HSPA12B: variants seen among roughly 807,000 people sequenced by gnomAD.
HSPA12B encodes the protein heat shock 70 kDa protein 12B.
A neutral mutation model predicts 69.3 loss-of-function variants in HSPA12B; 54 were observed. That is an observed-to-expected ratio of 0.78 (90% confidence interval 0.63 to 0.98). The LOEUF is 0.98. Ranked by LOEUF, HSPA12B falls within the 50% of genes least tolerant of loss-of-function variation. The probability of loss-of-function intolerance (pLI) is 0.00; values close to 1 mark genes in which losing one functional copy is unlikely to be tolerated. For synonymous variants in HSPA12B, 441 were observed against 436.5 expected (o/e 1.01, Z -0.13); for missense variants, 929 against 999.8 (o/e 0.93, Z 0.96).
Position 3,740,808 on chromosome 20 carries a change from T to A in HSPA12B, c.44-7T>A. On this transcript the variant is annotated splice_region_variant and splice_polypyrimidine_tract_variant and intron_variant, in intron 2 of 12. Transcript: ENST00000254963. The surrounding 1 kb of genome is among the most constrained non-coding windows in gnomAD (Gnocchi z 4.9). Reference sequence around the variant, plus strand: ...TGCCAGGATGAACTGCCGTCTCTTCTCTGCAGGCTCCAGCCCGGAGCGGTC... The same window carrying A: ...TGCCAGGATGAACTGCCGTCTCTTCACTGCAGGCTCCAGCCCGGAGCGGTC... The A allele has an allele frequency of 6.2e-7, 1 of 1,612,722 alleles. No individual in the cohort carries two copies. The highest frequency in any genetic ancestry group is 1.1e-5 in the South Asian group (1 of 90,836).
intron 8 of HSPA12B, among the ~76,000 whole-genome samples, chr20:3,748,874 T>G (rs1384390944): frequency 1.3e-5 from 2 of 152,004 alleles, no homozygotes. Context: ...ATGGTCATCC[T>G]CCCAAATGCC....
At chr20:3,748,506 A>G (rs887183261) in intron 8 of HSPA12B, 115 bp downstream of exon 8, 6 of 1,010,272 alleles carry the variant, frequency 5.9e-6, no homozygotes, top group African/African-American at 3.3e-5. Context: ...GAGGAGCCCA[A>G]TTTGAGCAGG....
In HSPA12B at chr20:3,732,743, G is replaced by A. The variant is rs911165343; in HGVS notation, c.-69G>A. 1.3e-5 allele frequency: 2 copies of A among 152,022 alleles called. No homozygotes were observed. The highest frequency in any genetic ancestry group is 4.8e-5 in the African/African-American group (2 of 41,384). The allele number at this position is 152,022 out of a possible 1,614,324, so 9.4% of individuals were successfully genotyped here. A position where few individuals can be genotyped will look rare whatever the true frequency, so the allele number is the denominator to read the frequency against. ...GCAGCGGGCACGGCCAACGAGCTGC[G>A]GGCCCGGGATCGCGGCGGCTGGACG... On this transcript the variant is annotated 5_prime_UTR_variant, in exon 1 of 13. Transcript: ENST00000254963.
chr20:3,736,088 C>T (rs565646618), intron 1 of HSPA12B, among the ~76,000 whole-genome samples: 2 of 152,308 alleles, frequency 1.3e-5, no homozygotes, highest in East Asian at 1.9e-4. Flanking sequence ...TTTGAAGCTA[C>T]CAATGTGATG....
chr20:3,740,225 G>A lies in HSPA12B; in HGVS notation c.44-590G>A, dbSNP rs1214947515. 1.3e-5 allele frequency among the ~76,000 whole-genome samples: 2 copies of A among 152,264 alleles called. No individual in the cohort carries two copies. The highest frequency in any genetic ancestry group is 3.9e-4 in the East Asian group (2 of 5,176). On this transcript the variant is annotated intron_variant, in intron 2 of 12. Transcript: ENST00000254963. This position sits in a 1 kb window ranked among gnomAD's most constrained non-coding sequence, Gnocchi z 4.9. The stretch of plus-strand genomic sequence containing the variant: ...CAGTTCAGGACTGGGCTATCTCTAT[G>A]GGTGTGGGAGGAGGTGCTCCCCCTC...
At position 3,737,232 on chromosome 20, in the gene HSPA12B, G is replaced by A. The variant is rs866512866; in HGVS notation, c.-17-1426G>A. Among the ~76,000 whole-genome samples the A allele has an allele frequency of 9.9e-5, 15 of 152,280 alleles. No homozygotes were observed. Among genetic ancestry groups the A allele is most frequent in the African/African-American group, 3.6e-4 (15 of 41,550 alleles). On this transcript the variant is annotated intron_variant, in intron 1 of 12. Coordinates refer to ENST00000254963, the MANE Select transcript of HSPA12B (RefSeq NM_052970.5). This position sits in a 1 kb window ranked among gnomAD's most constrained non-coding sequence, Gnocchi z 4.1. ...CACTTTGAGTAACAAAGCTGTTGAT[G>A]GTTTGAAATATCCTGCCTATAGCCT... is the stretch of plus-strand genomic sequence containing the variant.
rs2088293064 is a variant in HSPA12B at position 3,745,924 on chromosome 20, G to A, written c.568G>A (p.Glu190Lys). ...CCCCCTCCTGTACCAGGAGCTGAGG[G>A]AGCAGAGCCCATCGCTGCCAGAGAA... is the stretch of plus-strand genomic sequence containing the variant. Reference protein sequence around the residue: ...FREHALQELREQSPSLPEKDT... With the variant: ...FREHALQELRKQSPSLPEKDT... The change falls in exon 7 of 13, where the codon GAG becomes AAG. Residue 190 changes from glutamate to lysine, a missense_variant. Physicochemically the swap from Glu to Lys is moderately conservative, Grantham distance 56 (BLOSUM62 1). Around this residue, in one of 3 missense-constraint regions of HSPA12B, gnomAD observed 477 missense variants for 535.2 expected, o/e 0.89. Coordinates refer to ENST00000254963, the MANE Select transcript of HSPA12B (RefSeq NM_052970.5). The surrounding 1 kb of genome is among the most constrained non-coding windows in gnomAD (Gnocchi z 5.6). The A allele has an allele frequency of 1.2e-6, 2 of 1,614,004 alleles. No homozygotes were observed. The highest frequency in any genetic ancestry group is 1.7e-6 in the Non-Finnish European group (2 of 1,179,918).
rs1054834081 is a variant in HSPA12B, at chr20:3,740,360, G to C, written c.44-455G>C. Among the ~76,000 whole-genome samples, 1 of 152,080 alleles carries C rather than the reference G, an allele frequency of 6.6e-6. No homozygotes were observed. The highest frequency in any genetic ancestry group is 6.6e-5 in the Admixed American group (1 of 15,266). Reference sequence around the variant, plus strand: ...GAACCACGTGGCCCAACTTTAGGGTGGAGGGGAGCAACCCCACCTCCTAGC... The same window carrying C: ...GAACCACGTGGCCCAACTTTAGGGTCGAGGGGAGCAACCCCACCTCCTAGC... On this transcript the variant is annotated intron_variant, in intron 2 of 12. Transcript: ENST00000254963. This position sits in a 1 kb window ranked among gnomAD's most constrained non-coding sequence, Gnocchi z 4.9.
chr20:3,751,798 G>C lies in HSPA12B; in HGVS notation c.1693G>C (p.Asp565His). 1.3e-6 allele frequency: 2 copies of C among 1,528,584 alleles called. No homozygotes were observed. The highest frequency in any genetic ancestry group is 8.7e-7 in the Non-Finnish European group (1 of 1,143,512). The allele number at this position is 1,528,584 out of a possible 1,614,324, so 94.7% of individuals were successfully genotyped here. A position where few individuals can be genotyped will look rare whatever the true frequency, so the allele number is the denominator to read the frequency against. Residue 565 changes from aspartate to histidine, a missense_variant, in exon 13 of 13, where the codon GAC becomes CAC. Asp to His is a moderately conservative substitution (Grantham distance 81). Coordinates refer to ENST00000254963, the MANE Select transcript of HSPA12B (RefSeq NM_052970.5). ...CCCGCCCGAAAAGCTGCTGGTTCGC[G>C]ACGGCCGCCGCTGGTGCACCGACGT... Reference protein sequence around the residue: ...RHPPEKLLVRDGRRWCTDVFE... With the variant: ...RHPPEKLLVRHGRRWCTDVFE...
chr20:3,747,486 C>T (rs1600325309), intron 7 of HSPA12B, among the ~76,000 whole-genome samples: 1 of 152,194 alleles, frequency 6.6e-6, no homozygotes, highest in Admixed American at 6.5e-5. Context: ...TCAGGAAAGT[C>T]TGGCCCTGGG....
intron 1 of HSPA12B, among the ~76,000 whole-genome samples, chr20:3,735,058 T>C (rs1260393017): frequency 6.6e-6 from 1 of 152,114 alleles, no homozygotes; most frequent in East Asian, 1.9e-4. Context: ...ATTGATTTAG[T>C]TCCTACCTCC....
intron 3 of HSPA12B, among the ~76,000 whole-genome samples, chr20:3,741,541 G>T (rs541077669): frequency 6.6e-6 from 1 of 152,306 alleles, no homozygotes; most frequent in Admixed American, 6.5e-5. Flanking sequence ...GCTGAGGGTG[G>T]AGAATTGCTT....
chr20:3,750,183 C>T lies in HSPA12B; in HGVS notation c.1257C>T (p.Arg419=). The T allele has an allele frequency of 6.2e-7, 1 of 1,609,700 alleles. No homozygotes were observed. The highest frequency in any genetic ancestry group is 8.5e-7 in the Non-Finnish European group (1 of 1,177,752). The change falls in exon 11 of 13, where the codon CGC becomes CGT. Residue 419 remains arginine, a synonymous_variant. Transcript: ENST00000254963. ...CCTTCTCCTTCATTGACTTCTACCG[C>T]AAGCAGCGGGGCCACAACGTGGAGA... ...SLPFSFIDFY[R]KQRGHNVETA...
rs753469088 is a variant in HSPA12B, at chr20:3,748,341, G to A, written c.800G>A (p.Gly267Asp). 3 of 1,610,264 alleles carry A rather than the reference G, an allele frequency of 1.9e-6. No individual in the cohort carries two copies. Among genetic ancestry groups the A allele is most frequent in the Admixed American group, 3.4e-5 (2 of 59,686 alleles). Residue 267 changes from glycine (G) to aspartate (D), a missense_variant, in exon 8 of 13, where the codon GGT becomes GAT. Transcript: ENST00000254963. ...QLLDLSGRAPGGGRLGERRSI... is the reference protein window; with the variant it reads ...QLLDLSGRAPDGGRLGERRSI... The stretch of plus-strand genomic sequence containing the variant: ...CTGGACCTGAGTGGCCGGGCCCCAG[G>A]TGGTGGGCGCCTGGGTGAGCGCCGC...
chr20:3,733,556 A>G (rs2088063356), intron 1 of HSPA12B, among the ~76,000 whole-genome samples: 2 of 152,018 alleles, frequency 1.3e-5, no homozygotes, highest in African/African-American at 4.8e-5. Context: ...AGATGAGGAC[A>G]GGGAGGGGCC....
chr20:3,740,685 C>A lies in HSPA12B; in HGVS notation c.44-130C>A. The A allele has an allele frequency of 4.2e-6, 3 of 720,420 alleles. No homozygotes were observed. Among genetic ancestry groups the A allele is most frequent in the Non-Finnish European group, 4.9e-6 (2 of 411,378 alleles). 44.6% of individuals were successfully genotyped at this position (720,420 alleles called of 1,614,324 possible). ...GTCTTTCCTACACCCCGCAGTCCTC[C>A]TCCCCAGCAGAGAGCCCTTTGCCTT... On this transcript the variant is annotated intron_variant, in intron 2 of 12. Transcript: ENST00000254963. The surrounding 1 kb of genome is among the most constrained non-coding windows in gnomAD (Gnocchi z 4.9).
chr20:3,746,053 C>G, intron 7 of HSPA12B, 22 bp downstream of exon 7: 1 of 1,576,026 alleles, frequency 6.3e-7, no homozygotes, highest in Non-Finnish European at 8.7e-7. Context: ...CAGGCGGGCC[C>G]GAGAACACTG....
At chr20:3,736,031 T>C (rs934521693) in intron 1 of HSPA12B, among the ~76,000 whole-genome samples, 3 of 152,216 alleles carry the variant, frequency 2.0e-5, no homozygotes, top group African/African-American at 7.2e-5. Context: ...TCCTGATTTA[T>C]GGTGTTTGCC....
Position 3,751,745 on chromosome 20 carries a change from T to C in HSPA12B, c.1640T>C (p.Val547Ala). ...RRSPLTYGVG[V>A]LNRFVPGRHP... is the part of the protein sequence containing the mutation. ...TCGCCGCTCACCTATGGCGTGGGCGTGCTCAACCGCTTTGTGCCTGGGCGC... is the reference window on the plus strand; with the variant it reads ...TCGCCGCTCACCTATGGCGTGGGCGCGCTCAACCGCTTTGTGCCTGGGCGC... Residue 547 changes from valine to alanine, a missense_variant, in exon 13 of 13, where the codon GTG (valine) becomes GCG (alanine). By Grantham distance (64) the Val-to-Ala change is moderately conservative. Transcript: ENST00000254963. 6.6e-7 allele frequency: 1 copy of C among 1,521,500 alleles called. No homozygotes were observed. The highest frequency in any genetic ancestry group is 8.8e-7 in the Non-Finnish European group (1 of 1,140,068). The allele number at this position is 1,521,500 out of a possible 1,614,324, so 94.2% of individuals were successfully genotyped here.
Sources: gnomAD v4.1 joint callset for allele counts (sites outside exome capture counted in the v4.1 genomes callset) on GRCh38, gnomAD v4.1.1 for gene constraint, gnomAD v4.1.1 regional missense constraint, Gnocchi (gnomAD v3.1) non-coding constraint, MANE v1.5 for transcripts, NCBI Gene and HGNC (gene_info 2026-07-23, HGNC 2026-07-21) for gene names.